The following ADAT2 variants were observed in gnomAD, a reference collection of about 807,000 sequenced individuals.
ADAT2 encodes adenosine deaminase tRNA specific 2, also known as tRNA-specific adenosine-34 deaminase catalytic subunit ADAT2.
In ADAT2, 26 loss-of-function variants were observed where a neutral mutation model predicts 25.9. That is an observed-to-expected ratio of 1.00 (90% CI 0.74 to 1.39). The LOEUF is 1.39. Ranked by LOEUF, ADAT2 falls within the 40% of genes most tolerant of loss-of-function variation. The pLI is 0.00. For synonymous variants in ADAT2, 76 were observed against 86.8 expected, an observed-to-expected ratio of 0.88 and a Z score of 0.69; for missense variants, 220 against 244.8, an observed-to-expected ratio of 0.90 and a Z score of 0.68.
Position 143,438,571 on chromosome 6 carries a change from T to C in ADAT2, c.201+19A>G, listed in dbSNP as rs1429194698. 7 of 1,577,414 alleles carry C rather than the reference T, an allele frequency of 4.4e-6. No individual in the cohort carries two copies. Among genetic ancestry groups the C allele is most frequent in the African/African-American group, 1.4e-5 (1 of 74,044 alleles). On this transcript the variant is annotated intron_variant, in intron 2 of 5. Transcript: ENST00000237283. ...CATCACTACTGTATGTTTGCAATTATACTGCTCAACTCACATACATTTTTG... is the reference window on the plus strand; with the variant it reads ...CATCACTACTGTATGTTTGCAATTACACTGCTCAACTCACATACATTTTTG...
At chr6:143,445,717 G>A (rs1275652812) in intron 1 of ADAT2, among the ~76,000 whole-genome samples, 2 of 152,158 alleles carry the variant, frequency 1.3e-5, no homozygotes, top group Middle Eastern at 3.4e-3. Context: ...GTTCCTGGAA[G>A]GCAAGCACTA....
rs923953809 is a variant in ADAT2, at chr6:143,442,985, C to G, written c.97-4291G>C. 3.9e-5 allele frequency among the ~76,000 whole-genome samples: 6 copies of G among 152,164 alleles called. No individual in the cohort carries two copies. Among genetic ancestry groups the G allele is most frequent in the Admixed American group, 6.5e-5 (1 of 15,284 alleles). On this transcript the variant is annotated intron_variant, in intron 1 of 5. Transcript: ENST00000237283. This position sits in a 1 kb window ranked among gnomAD's most constrained non-coding sequence, Gnocchi z 4.6. ...GAGAGGTAATGTTTTGTCTGCATCT[C>G]GAGTATTCTGGTTCTGAGAGCTTGA...
At chr6:143,430,781 G>A (rs1779088437) in intron 4 of ADAT2, among the ~76,000 whole-genome samples, 2 of 152,052 alleles carry the variant, frequency 1.3e-5, no homozygotes, top group Admixed American at 1.3e-4. Context: ...TAGCCAGGAT[G>A]GTCTCGATCT....
chr6:143,450,493 A>G, intron 1 of ADAT2, 70 bp downstream of exon 1: 2 of 1,529,716 alleles, frequency 1.3e-6, no homozygotes, highest in Non-Finnish European at 1.8e-6. Flanking sequence ...ACGTTTGCTC[A>G]AATGCCGGGG....
chr6:143,428,180 T>C lies in ADAT2; in HGVS notation c.*283A>G. ...CTTGCCTGGACTGGGCACTTGTGGC[T>C]AGAAGGGTATGCACTACTTGCTAAT... On this transcript the variant is annotated 3_prime_UTR_variant, in exon 6 of 6. Coordinates refer to ENST00000237283, the MANE Select transcript of ADAT2 (RefSeq NM_182503.3). This position sits in a 1 kb window ranked among gnomAD's most constrained non-coding sequence, Gnocchi z 5.0. 2.3e-6 allele frequency: 1 copy of C among 429,906 alleles called. No homozygotes were observed. Among genetic ancestry groups the C allele is most frequent in the South Asian group, 3.0e-5 (1 of 32,938 alleles). 26.6% of individuals were successfully genotyped at this position (429,906 alleles called of 1,614,324 possible). A position where few individuals can be genotyped will look rare whatever the true frequency, so the allele number is the denominator to read the frequency against.
In ADAT2 at chr6:143,437,723, T is replaced by C. The variant is rs1414388023; in HGVS notation, c.201+867A>G. Among the ~76,000 whole-genome samples the C allele has an allele frequency of 1.3e-5, 2 of 152,240 alleles. No individual in the cohort carries two copies. Among genetic ancestry groups the C allele is most frequent in the Non-Finnish European group, 2.9e-5 (2 of 68,036 alleles). On this transcript the variant is annotated intron_variant, in intron 2 of 5. Transcript: ENST00000237283. The surrounding 1 kb of genome is among the most constrained non-coding windows in gnomAD (Gnocchi z 4.1). ...CTTTTCAATAGATGTGATTGATAGA[T>C]GAACTAGTTCCCACAGCCCTGGTAT...
intron 1 of ADAT2, among the ~76,000 whole-genome samples, chr6:143,443,911 A>G (rs892143040): frequency 1.3e-5 from 2 of 152,016 alleles, no homozygotes; most frequent in African/African-American, 4.8e-5. Flanking sequence ...GATTTTCTGT[A>G]AAAATATCTC....
chr6:143,441,294 A>G (rs1332395216), intron 1 of ADAT2: 3 of 152,262 alleles, frequency 2.0e-5, no homozygotes, highest in Non-Finnish European at 4.4e-5. Flanking sequence ...ACACTCTAGT[A>G]TCTAGACTAT....
intron 1 of ADAT2, among the ~76,000 whole-genome samples, chr6:143,449,615 T>C (rs2128744534): frequency 6.6e-6 from 1 of 152,330 alleles, no homozygotes; most frequent in Middle Eastern, 3.4e-3. Flanking sequence ...AGCTTCATTA[T>C]AATCCTATAG....
rs915993631 is a variant in ADAT2, at chr6:143,440,181, A to G, written c.97-1487T>C. On this transcript the variant is annotated intron_variant, in intron 1 of 5. Transcript: ENST00000237283. The surrounding 1 kb of genome is among the most constrained non-coding windows in gnomAD (Gnocchi z 4.5). Reference sequence around the variant, plus strand: ...GCTGTACAGCTGTTTCCAGAAAGGCAAGGTATTCCTTACTGTGGCAGCCCT... The same window carrying G: ...GCTGTACAGCTGTTTCCAGAAAGGCGAGGTATTCCTTACTGTGGCAGCCCT... Among the ~76,000 whole-genome samples, 3 of 152,172 alleles carry G rather than the reference A, an allele frequency of 2.0e-5. No individual in the cohort carries two copies. The highest frequency in any genetic ancestry group is 4.4e-5 in the Non-Finnish European group (3 of 68,022).
chr6:143,439,046 G>A (rs1018534872), intron 1 of ADAT2, among the ~76,000 whole-genome samples: 1 of 152,098 alleles, frequency 6.6e-6, no homozygotes, highest in Admixed American at 6.6e-5. Context: ...AAAGGTAGGG[G>A]ACTAAATAAC....
intron 2 of ADAT2, among the ~76,000 whole-genome samples, chr6:143,435,444 C>T (rs1779243714): frequency 6.6e-6 from 1 of 152,104 alleles, no homozygotes; most frequent in Admixed American, 6.5e-5. Context: ...TCTTTCTATG[C>T]TGTAGTTATA....
rs935291400 is a variant in ADAT2, at chr6:143,436,286, C to T, written c.201+2304G>A. ...AAGAACATGATGGCTGCCTATGACC[C>T]CCAGTATGGCCTCTATCTAACAGAG... On this transcript the variant is annotated intron_variant, in intron 2 of 5. Transcript: ENST00000237283. The surrounding 1 kb of genome is among the most constrained non-coding windows in gnomAD (Gnocchi z 4.1). 1 of 222,460 alleles carries T rather than the reference C, an allele frequency of 4.5e-6. No individual in the cohort carries two copies. Among genetic ancestry groups the T allele is most frequent in the Non-Finnish European group, 9.5e-6 (1 of 105,350 alleles). 13.8% of individuals were successfully genotyped at this position (222,460 alleles called of 1,614,324 possible).
Position 143,428,521 on chromosome 6 carries a change from GA to G in ADAT2, c.533-16del. On this transcript the variant is annotated splice_polypyrimidine_tract_variant and intron_variant, in intron 5 of 5. Transcript: ENST00000237283. The surrounding 1 kb of genome is among the most constrained non-coding windows in gnomAD (Gnocchi z 5.0). ...CGATTTTGGTGCTGTGAAAAGAATA[GA>G]AAAGAAAAAGAAAATGAAGAGGTAA... 6.2e-7 allele frequency: 1 copy of G among 1,613,640 alleles called. No individual in the cohort carries two copies. Among genetic ancestry groups the G allele is most frequent in the Non-Finnish European group, 8.5e-7 (1 of 1,179,832 alleles).
In ADAT2 at chr6:143,442,245, G is replaced by A. The variant is rs893847921; in HGVS notation, c.97-3551C>T. ...CAGCAATAACAAGGAATGAACTATC[G>A]ATAATCTCAACAACTTGGATGGATC... On this transcript the variant is annotated intron_variant, in intron 1 of 5. Transcript: ENST00000237283. The surrounding 1 kb of genome is among the most constrained non-coding windows in gnomAD (Gnocchi z 4.6). 1.3e-5 allele frequency among the ~76,000 whole-genome samples: 2 copies of A among 152,122 alleles called. No homozygotes were observed. Among genetic ancestry groups the A allele is most frequent in the African/African-American group, 4.8e-5 (2 of 41,422 alleles).
rs925701471 is a variant in ADAT2, at chr6:143,426,751, C to G, written c.*1712G>C. 4 of 152,128 alleles carry G rather than the reference C, an allele frequency of 2.6e-5. No homozygotes were observed. Among genetic ancestry groups the G allele is most frequent in the African/African-American group, 4.8e-5 (2 of 41,418 alleles). The allele number at this position is 152,128 out of a possible 1,614,324, so 9.4% of individuals were successfully genotyped here. On this transcript the variant is annotated 3_prime_UTR_variant, in exon 6 of 6. Transcript: ENST00000237283. This position sits in a 1 kb window ranked among gnomAD's most constrained non-coding sequence, Gnocchi z 4.1. Reference sequence around the variant, plus strand: ...TATTCACTTTTCCCCAAATTTCAATCAGTAATTTCATTTAGCAAATGTTTA... The same window carrying G: ...TATTCACTTTTCCCCAAATTTCAATGAGTAATTTCATTTAGCAAATGTTTA...
rs1779735285 is a variant in ADAT2, at chr6:143,450,630, G to A, written c.29C>T (p.Ala10Val). The A allele has an allele frequency of 6.2e-7, 1 of 1,613,960 alleles. No individual in the cohort carries two copies. The highest frequency in any genetic ancestry group is 1.6e-4 in the Middle Eastern group (1 of 6,062). The change falls in exon 1 of 6, where the codon GCT becomes GTT. Residue 10 changes from alanine (A) to valine (V), a missense_variant. Ala to Val is a moderately conservative substitution (Grantham distance 64). Transcript: ENST00000237283. ...CGACACCGAGCACGCGCCGCTTGCA[G>A]CTGGCTTGGGTGCCGCCTTCGCCTC... MEAKAAPKP[A>V]ASGACSVSAE...
chr6:143,434,371 T>G lies in ADAT2; in HGVS notation c.202-390A>C, dbSNP rs1428432594. ...AGCTTGTGCTCTAGTTTCAAATATA[T>G]TTTCAAGGCTGTCACTGACCTCACT... On this transcript the variant is annotated intron_variant, in intron 2 of 5. Transcript: ENST00000237283. The surrounding 1 kb of genome is among the most constrained non-coding windows in gnomAD (Gnocchi z 4.5). 6.6e-6 allele frequency among the ~76,000 whole-genome samples: 1 copy of G among 152,218 alleles called. No individual in the cohort carries two copies. Among genetic ancestry groups the G allele is most frequent in the Admixed American group, 6.5e-5 (1 of 15,276 alleles).
chr6:143,430,382 T>C (rs1779071042), intron 4 of ADAT2, among the ~76,000 whole-genome samples: 1 of 152,202 alleles, frequency 6.6e-6, no homozygotes, highest in South Asian at 2.1e-4. Flanking sequence ...GGGCAGGGAC[T>C]GAGCAGAGTC....
Sources: gnomAD v4.1 joint callset for allele counts (sites outside exome capture counted in the v4.1 genomes callset) on GRCh38, gnomAD v4.1.1 for gene constraint, Gnocchi (gnomAD v3.1) non-coding constraint, MANE v1.5 for transcripts, NCBI Gene and HGNC (gene_info 2026-07-23, HGNC 2026-07-21) for gene names.